Variants in MGAT4C observed in about 807,000 individuals in gnomAD.
MGAT4C encodes MGAT4 family member C, also known as alpha-1,3-mannosyl-glycoprotein 4-beta-N-acetylglucosaminyltransferase C.
A neutral mutation model predicts 40.1 loss-of-function variants in MGAT4C; 19 were observed. The observed-to-expected ratio is 0.47, with a 90% CI of 0.33 to 0.70. The LOEUF (loss-of-function observed/expected upper bound fraction) is 0.70. MGAT4C is among the 30% of genes least tolerant of loss of function. MGAT4C has a pLI of 0.02. For synonymous variants in MGAT4C, 181 were observed against 187.1 expected, an observed-to-expected ratio of 0.97 and a Z score of 0.27; for missense variants, 491 against 563.2, an observed-to-expected ratio of 0.87 and a Z score of 1.30.
chr12:86,732,769 G>C (rs1950930952), intron 1 of MGAT4C, among the ~76,000 whole-genome samples: 1 of 151,520 alleles, frequency 6.6e-6, no homozygotes, highest in South Asian at 2.1e-4. Context: ...CTGTGGCCCA[G>C]GGTTTGGAGA....
chr12:86,826,870 T>C (rs939615720), intron 1 of MGAT4C, among the ~76,000 whole-genome samples: 1 of 151,388 alleles, frequency 6.6e-6, no homozygotes, highest in African/African-American at 2.4e-5. Context: ...TCTATGTATA[T>C]TTGTCTAAAA....
At chr12:86,493,324 G>A (rs555127573) in intron 2 of MGAT4C, among the ~76,000 whole-genome samples, 2 of 152,040 alleles carry the variant, frequency 1.3e-5, no homozygotes, top group South Asian at 2.1e-4. Flanking sequence ...TATAAATCAT[G>A]CTGCTATAAA....
chr12:86,548,282 A>AT (rs915484371), intron 2 of MGAT4C, among the ~76,000 whole-genome samples: 26 of 151,904 alleles, frequency 1.7e-4, no homozygotes, highest in African/African-American at 4.8e-4. Context: ...ATTTTTCTTG[A>AT]TTTTTTTTAA....
At chr12:86,301,333 C>G (rs9919793) in intron 4 of MGAT4C, among the ~76,000 whole-genome samples, 98,271 of 152,026 alleles carry the variant, frequency 0.65, 32,650 homozygotes, top group South Asian at 0.77. Context: ...CTAAACTTCA[C>G]TCTTGAGTAT....
At chr12:86,271,597 C>T (rs1023228748) in intron 4 of MGAT4C, among the ~76,000 whole-genome samples, 1 of 152,020 alleles carries the variant, frequency 6.6e-6, no homozygotes, top group Non-Finnish European at 1.5e-5. Context: ...TAGAGATTTT[C>T]CAAAAAACTG....
intron 1 of MGAT4C, among the ~76,000 whole-genome samples, chr12:86,774,133 T>C (rs1951688778): frequency 6.6e-6 from 1 of 151,594 alleles, no homozygotes; most frequent in African/African-American, 2.4e-5. Context: ...TTTGTATTTT[T>C]AGTAAACATC....
rs551836914 is a variant in MGAT4C at position 86,173,584 on chromosome 12, T to C, written c.-57+82655A>G. 2.0e-5 allele frequency among the ~76,000 whole-genome samples: 3 copies of C among 152,280 alleles called. No homozygotes were observed. The East Asian group carries it at 5.8e-4, about 29-fold the overall frequency. ...ACATTTATTTGCATTTCCAAAAATA[T>C]ACTTTTGATCAAAAATAGTAATCCA... is the stretch of plus-strand genomic sequence containing the variant. On this transcript the variant is annotated intron_variant, in intron 1 of 4. Transcript: ENST00000611864.
At chr12:86,140,654 A>AAAAAT (rs956352831) in intron 1 of MGAT4C, among the ~76,000 whole-genome samples, 3 of 152,124 alleles carry the variant, frequency 2.0e-5, no homozygotes, top group Non-Finnish European at 2.9e-5. Flanking sequence ...AAAGTATAAT[A>AAAAAT]AAAATAAAAT....
intron 1 of MGAT4C, among the ~76,000 whole-genome samples, chr12:86,745,681 A>G (rs940260849): frequency 3.3e-5 from 5 of 151,664 alleles, no homozygotes; most frequent in African/African-American, 1.2e-4. Flanking sequence ...GTTTTGATTA[A>G]TGGTGCATGA....
intron 2 of MGAT4C, among the ~76,000 whole-genome samples, chr12:86,451,009 C>A (rs1565771971): frequency 5.3e-5 from 8 of 151,934 alleles, no homozygotes; most frequent in Admixed American, 3.9e-4. Flanking sequence ...CTATATCAGT[C>A]TTATTTGGTT....
At chr12:86,299,184 C>G (rs942283031) in intron 4 of MGAT4C, among the ~76,000 whole-genome samples, 1 of 152,140 alleles carries the variant, frequency 6.6e-6, no homozygotes, top group Non-Finnish European at 1.5e-5. Context: ...GGCGCGATCT[C>G]GGCTCACTGC....
intron 2 of MGAT4C, among the ~76,000 whole-genome samples, chr12:86,519,061 T>C (rs185685756): frequency 6.6e-6 from 1 of 152,296 alleles, no homozygotes; most frequent in Admixed American, 6.5e-5. Context: ...GGAGATTGTC[T>C]GAAAAGAAAT....
intron 1 of MGAT4C, among the ~76,000 whole-genome samples, chr12:86,125,017 C>T (rs1314945615): frequency 6.6e-6 from 1 of 152,112 alleles, no homozygotes; most frequent in Non-Finnish European, 1.5e-5. Context: ...GAAGAAAGAG[C>T]TCACACAGCC....
At chr12:86,087,455 T>C (rs867954312) in intron 1 of MGAT4C, among the ~76,000 whole-genome samples, 1 of 152,114 alleles carries the variant, frequency 6.6e-6, no homozygotes. Context: ...TAAGTAATGA[T>C]AAATTGGTCT....
intron 2 of MGAT4C, among the ~76,000 whole-genome samples, chr12:86,442,771 C>CAA (rs34962466): frequency 0.016 from 2,172 of 137,786 alleles, 21 homozygotes; most frequent in Middle Eastern, 0.034. Context: ...AACTCTGTCT[C>CAA]AAAAAAAAAA....
intron 4 of MGAT4C, among the ~76,000 whole-genome samples, chr12:85,980,984 G>C (rs1010395295): frequency 6.6e-6 from 1 of 151,614 alleles, no homozygotes; most frequent in Non-Finnish European, 1.5e-5. Flanking sequence ...TTTTTTTGCT[G>C]TCATTATGTT....
At chr12:86,039,271 G>T (rs758198276) in intron 2 of MGAT4C, among the ~76,000 whole-genome samples, 1 of 152,130 alleles carries the variant, frequency 6.6e-6, no homozygotes, top group Non-Finnish European at 1.5e-5. Context: ...GGCCTGCCTT[G>T]CTAGGTTGGG....
intron 1 of MGAT4C, among the ~76,000 whole-genome samples, chr12:86,124,669 T>C (rs975082116): frequency 6.6e-6 from 1 of 152,066 alleles, no homozygotes; most frequent in East Asian, 1.9e-4. Flanking sequence ...TCTGTGGTCT[T>C]ATACCAGATA....
chr12:86,355,593 A>G (rs929709388), intron 3 of MGAT4C, among the ~76,000 whole-genome samples: 2 of 152,224 alleles, frequency 1.3e-5, no homozygotes, highest in African/African-American at 2.4e-5. Context: ...AGACTAAAAG[A>G]CAGGACAACA....
Sources: gnomAD v4.1 joint callset for allele counts (sites outside exome capture counted in the v4.1 genomes callset) on GRCh38, gnomAD v4.1.1 for gene constraint, MANE v1.5 for transcripts, NCBI Gene and HGNC (gene_info 2026-07-23, HGNC 2026-07-21) for gene names.